Variants in SMAP1 observed in about 807,000 individuals in gnomAD.
SMAP1 encodes stromal membrane-associated protein 1.
In SMAP1, 24 loss-of-function variants were observed where a neutral mutation model predicts 58.5. That is an observed-to-expected ratio of 0.41 (90% CI 0.30 to 0.58). SMAP1 has a LOEUF of 0.58. Ranked by LOEUF, SMAP1 falls within the 20% of genes least tolerant of loss-of-function variation. The pLI is 0.29. For synonymous variants in SMAP1, 216 were observed against 196.6 expected, an observed-to-expected ratio of 1.10 and a Z score of -0.82; for missense variants, 563 against 566.3, an observed-to-expected ratio of 0.99 and a Z score of 0.06.
At chr6:70,714,448 G>A in intron 1 of SMAP1, among the ~76,000 whole-genome samples, 1 of 151,928 alleles carries the variant, frequency 6.6e-6, no homozygotes, top group South Asian at 2.1e-4. Flanking sequence ...GCTGATAACA[G>A]CTTAACTTCT....
intron 1 of SMAP1, among the ~76,000 whole-genome samples, chr6:70,699,918 CTG>C (rs1162492397): frequency 6.6e-6 from 1 of 151,968 alleles, no homozygotes; most frequent in Admixed American, 6.6e-5. Context: ...GGCAACCAAA[CTG>C]TAAGACAAAG....
chr6:70,819,640 A>T (rs891651495), intron 6 of SMAP1, among the ~76,000 whole-genome samples: 9 of 152,242 alleles, frequency 5.9e-5, no homozygotes, highest in African/African-American at 2.2e-4. Context: ...CCAGATGGTA[A>T]ATAGTGAGCA....
chr6:70,831,198 G>C (rs1770344398), intron 6 of SMAP1, among the ~76,000 whole-genome samples: 1 of 152,116 alleles, frequency 6.6e-6, no homozygotes, highest in Non-Finnish European at 1.5e-5. Flanking sequence ...TTAGAATATG[G>C]CAATATTAGG....
At chr6:70,697,557 C>T (rs1023421550) in intron 1 of SMAP1, among the ~76,000 whole-genome samples, 8 of 152,124 alleles carry the variant, frequency 5.3e-5, no homozygotes, top group Admixed American at 1.3e-4. Flanking sequence ...TTGCCTGCCT[C>T]GGCCTCCCCA....
At chr6:70,809,807 A>G (rs1051174711) in intron 6 of SMAP1, among the ~76,000 whole-genome samples, 10 of 152,210 alleles carry the variant, frequency 6.6e-5, no homozygotes, top group African/African-American at 2.4e-4. Flanking sequence ...AAATCTTTAC[A>G]TTTCTAGCTT....
intron 1 of SMAP1, among the ~76,000 whole-genome samples, chr6:70,677,375 A>G (rs1222726893): frequency 1.4e-5 from 2 of 139,754 alleles, no homozygotes. Flanking sequence ...TATTGCAAAG[A>G]TTTATTTCAA....
At chr6:70,848,575 T>C (rs1461983142) in intron 7 of SMAP1, among the ~76,000 whole-genome samples, 2 of 152,156 alleles carry the variant, frequency 1.3e-5, no homozygotes, top group East Asian at 1.9e-4. Context: ...TGAAGGACAT[T>C]GAGGAAGTCT....
intron 4 of SMAP1, among the ~76,000 whole-genome samples, chr6:70,784,953 C>T (rs1024547795): frequency 2.0e-5 from 3 of 152,116 alleles, no homozygotes; most frequent in Admixed American, 6.5e-5. Flanking sequence ...CCAAGTGGAC[C>T]TAATAGACAT....
chr6:70,715,250 G>A (rs975276459), intron 1 of SMAP1, among the ~76,000 whole-genome samples: 16 of 151,792 alleles, frequency 1.1e-4, no homozygotes, highest in Non-Finnish European at 2.2e-4. Flanking sequence ...GCACTTGCCA[G>A]CATGCCTGGC....
intron 4 of SMAP1, among the ~76,000 whole-genome samples, chr6:70,773,779 G>A (rs1487236295): frequency 6.6e-6 from 1 of 152,152 alleles, no homozygotes; most frequent in Non-Finnish European, 1.5e-5. Flanking sequence ...CTTCCTCTAA[G>A]GGCTTTCTTT....
chr6:70,668,570 C>G, intron 1 of SMAP1: 2 of 1,535,170 alleles, frequency 1.3e-6, no homozygotes, highest in Non-Finnish European at 8.7e-7. Flanking sequence ...GGATCCCCTC[C>G]TCTACCCTCC....
chr6:70,777,737 A>G (rs1168820201), intron 4 of SMAP1, among the ~76,000 whole-genome samples: 4 of 149,676 alleles, frequency 2.7e-5, no homozygotes, highest in African/African-American at 9.8e-5. Flanking sequence ...TGGGTCTCCT[A>G]TTTAAGTCTT....
In SMAP1 at chr6:70,785,325, G is replaced by A. The variant is rs550027086; in HGVS notation, c.415-6364G>A. Among the ~76,000 whole-genome samples the A allele has an allele frequency of 2.7e-4, 41 of 152,154 alleles. No homozygotes were observed. The Middle Eastern group carries it at 0.02, about 76-fold the overall frequency. On this transcript the variant is annotated intron_variant, in intron 4 of 10. Coordinates refer to ENST00000370455, the MANE Select transcript of SMAP1 (RefSeq NM_001044305.3). ...AGCAGTGTGTAGAGGGAAATTTATAGCACTAAATGCCCACAAGAGAAAGCA... is the reference window on the plus strand; with the variant it reads ...AGCAGTGTGTAGAGGGAAATTTATAACACTAAATGCCCACAAGAGAAAGCA...
chr6:70,813,198 C>G (rs571979272), intron 6 of SMAP1, among the ~76,000 whole-genome samples: 1 of 152,008 alleles, frequency 6.6e-6, no homozygotes, highest in South Asian at 2.1e-4. Context: ...ATGTGTTGTA[C>G]TGGCCTATGA....
At chr6:70,759,963 CATA>C in intron 3 of SMAP1, 2 of 367,040 alleles carry the variant, frequency 5.4e-6, no homozygotes, top group South Asian at 4.1e-5. Flanking sequence ...TGACATAGAG[CATA>C]ATATTTTCTT....
At chr6:70,702,642 T>TTC (rs1491542384) in intron 1 of SMAP1, among the ~76,000 whole-genome samples, 2 of 141,642 alleles carry the variant, frequency 1.4e-5, no homozygotes, top group Non-Finnish European at 3.1e-5. Flanking sequence ...CTTCTTCTTC[T>TTC]TTTTTTTTTT....
intron 1 of SMAP1, chr6:70,693,839 G>T (rs1767286704): frequency 1.3e-5 from 2 of 152,074 alleles, no homozygotes; most frequent in East Asian, 1.9e-4. Context: ...AAATTTAAGG[G>T]GTTTCTTGGG....
chr6:70,761,349 C>G (rs926032809), intron 3 of SMAP1, among the ~76,000 whole-genome samples: 2 of 151,948 alleles, frequency 1.3e-5, no homozygotes, highest in African/African-American at 4.8e-5. Context: ...CAAATTAAAA[C>G]TTGAACTGTT....
intron 4 of SMAP1, among the ~76,000 whole-genome samples, chr6:70,776,700 TC>T (rs761986662): frequency 7.2e-5 from 11 of 152,194 alleles, no homozygotes; most frequent in Non-Finnish European, 1.6e-4. Flanking sequence ...TTCCATGAGT[TC>T]AGTTTTTCTT....
Sources: allele counts gnomAD v4.1 joint callset (sites outside exome capture counted in the v4.1 genomes callset), GRCh38; gene constraint gnomAD v4.1.1; transcripts MANE v1.5; gene names NCBI Gene and HGNC (gene_info 2026-07-23, HGNC 2026-07-21).